Variants in HIVEP2 observed in about 807,000 individuals in gnomAD.
The protein encoded by HIVEP2 is transcription factor HIVEP2.
A neutral mutation model predicts 180.7 loss-of-function variants in HIVEP2; 14 were observed. That is an observed-to-expected ratio of 0.08 (90% confidence interval 0.05 to 0.12). The LOEUF (loss-of-function observed/expected upper bound fraction) is 0.12, where lower values mean the gene tolerates loss of function less well. Among genes scored for constraint, HIVEP2 ranks in the 10% least tolerant of loss-of-function variants. The pLI is 1.00. For synonymous variants in HIVEP2, 1,184 were observed against 1,136.4 expected (o/e 1.04, Z -0.84); for missense variants, 2,579 against 3,008.5 (o/e 0.86, Z 3.34).
chr6:142,857,850 C>CG (rs1562266995), intron 1 of HIVEP2, among the ~76,000 whole-genome samples: 3 of 151,916 alleles, frequency 2.0e-5, no homozygotes, highest in Non-Finnish European at 2.9e-5. Flanking sequence ...CTCCTGCGGG[C>CG]GGGGGGAAGC....
At chr6:142,754,839 A>T (rs1379310247) in intron 9 of HIVEP2, among the ~76,000 whole-genome samples, 2 of 152,210 alleles carry the variant, frequency 1.3e-5, no homozygotes, top group African/African-American at 4.8e-5. Flanking sequence ...CTAGTCCTGA[A>T]AATGGAGAAT....
chr6:142,822,566 TA>T (rs1368105377), intron 2 of HIVEP2, among the ~76,000 whole-genome samples: 1 of 152,224 alleles, frequency 6.6e-6, no homozygotes, highest in Non-Finnish European at 1.5e-5. Flanking sequence ...AAGGAAGTGC[TA>T]AACTTCAGTT....
chr6:142,789,001 A>C (rs1776073666), intron 2 of HIVEP2, among the ~76,000 whole-genome samples: 5 of 152,234 alleles, frequency 3.3e-5, no homozygotes, highest in Admixed American at 3.3e-4. Context: ...AGATGAAATA[A>C]AAATACAAGA....
chr6:142,807,740 C>G (rs1776588531), intron 2 of HIVEP2, among the ~76,000 whole-genome samples: 1 of 152,090 alleles, frequency 6.6e-6, no homozygotes, highest in South Asian at 2.1e-4. Flanking sequence ...GACTCTAGGA[C>G]AAGTCAAAGT....
intron 1 of HIVEP2, among the ~76,000 whole-genome samples, chr6:142,882,849 T>G (rs1776605895): frequency 6.6e-6 from 1 of 152,134 alleles, no homozygotes; most frequent in Non-Finnish European, 1.5e-5. Flanking sequence ...TTTTTGGTGT[T>G]AGCTTCACTC....
chr6:142,881,555 T>C (rs1191676769), intron 1 of HIVEP2, among the ~76,000 whole-genome samples: 1 of 152,184 alleles, frequency 6.6e-6, no homozygotes, highest in East Asian at 1.9e-4. Context: ...GTTAGAAGAA[T>C]GCCTTTAATA....
chr6:142,759,861 C>G lies in HIVEP2; in HGVS notation c.6427G>C (p.Ala2143Pro). The G allele has an allele frequency of 6.2e-7, 1 of 1,614,110 alleles. No homozygotes were observed. The highest frequency in any genetic ancestry group is 8.5e-7 in the Non-Finnish European group (1 of 1,179,990). ...TATAAAGCCCTTCTGGGAGATGGCGCTCTTATTGTGGTCATGTATCTTCTC... is the reference window on the plus strand; with the variant it reads ...TATAAAGCCCTTCTGGGAGATGGCGGTCTTATTGTGGTCATGTATCTTCTC... ...RERRYMTTIR[A>P]PSPRRALYHN... The change falls in exon 9 of 10, where the codon GCG (alanine) becomes CCG (proline). Residue 2143 changes from alanine to proline, a missense_variant. By Grantham distance (27) the Ala-to-Pro change is conservative (BLOSUM62 -1). Transcript: ENST00000367603.
intron 1 of HIVEP2, among the ~76,000 whole-genome samples, chr6:142,912,349 G>A (rs370993331): frequency 1.5e-4 from 23 of 152,124 alleles, no homozygotes; most frequent in African/African-American, 3.9e-4. Context: ...AACAGTGATC[G>A]AACTTTTGTC....
At position 142,753,211 on chromosome 6, in the gene HIVEP2, T is replaced by G; in HGVS notation, c.7237A>C (p.Ser2413Arg). 1 of 1,614,026 alleles carries G rather than the reference T, an allele frequency of 6.2e-7. No individual in the cohort carries two copies. Among genetic ancestry groups the G allele is most frequent in the South Asian group, 1.1e-5 (1 of 91,082 alleles). The change falls in exon 10 of 10, where the codon AGT becomes CGT. Residue 2413 changes from serine (S) to arginine (R), a missense_variant. Physicochemically the swap from Ser to Arg is moderately radical, Grantham distance 110. Around this residue, in one of 11 missense-constraint regions of HIVEP2, gnomAD observed 660 missense variants for 731.7 expected, o/e 0.90. Transcript: ENST00000367603. ...PLAHSTFYSK[S>R]CVDDKQLDFH... ...TCCAACTGCTTGTCATCCACACAACTCTTGCTGTAAAACGTGGAGTGAGCT... is the reference window on the plus strand; with the variant it reads ...TCCAACTGCTTGTCATCCACACAACGCTTGCTGTAAAACGTGGAGTGAGCT...
chr6:142,811,954 A>T (rs1776710488), intron 2 of HIVEP2, among the ~76,000 whole-genome samples: 1 of 152,238 alleles, frequency 6.6e-6, no homozygotes, highest in Non-Finnish European at 1.5e-5. Flanking sequence ...GCTGGGAGCC[A>T]CCTGGCAGGA....
chr6:142,811,792 A>G (rs1764950524), intron 2 of HIVEP2, among the ~76,000 whole-genome samples: 1 of 152,228 alleles, frequency 6.6e-6, no homozygotes, highest in Admixed American at 6.5e-5. Flanking sequence ...AATTCTTCAA[A>G]CTAACGGATA....
intron 2 of HIVEP2, among the ~76,000 whole-genome samples, chr6:142,798,869 C>T (rs1330743259): frequency 6.6e-6 from 1 of 152,074 alleles, no homozygotes; most frequent in Non-Finnish European, 1.5e-5. Flanking sequence ...ATAGCACATG[C>T]AAATCATTCA....
chr6:142,818,733 AAAAGAAAGAAAG>A (rs766314719), intron 2 of HIVEP2, among the ~76,000 whole-genome samples: 956 of 41,788 alleles, frequency 0.023, 18 homozygotes, highest in East Asian at 0.036. Flanking sequence ...AGAAAGAAAG[AAAAGAAAGAAAG>A]AAAGAAAGAA....
chr6:142,863,045 T>A (rs1776045740), intron 1 of HIVEP2, among the ~76,000 whole-genome samples: 1 of 141,972 alleles, frequency 7.0e-6, no homozygotes, highest in Non-Finnish European at 1.5e-5. Context: ...TATTACATAA[T>A]ATATTATATA....
Position 142,760,166 on chromosome 6 carries a change from G to A in HIVEP2, c.6122C>T (p.Pro2041Leu). The A allele has an allele frequency of 6.2e-7, 1 of 1,614,126 alleles. No individual in the cohort carries two copies. The highest frequency in any genetic ancestry group is 8.5e-7 in the Non-Finnish European group (1 of 1,180,006). The stretch of plus-strand genomic sequence containing the variant: ...TCCTGGAGAGGAATGGTGGCTTGAG[G>A]GTGAGAAGTCCCTGGGAGAGGAGCT... Reference protein sequence around the residue: ...EPSSSPRDFSPSSHHSSPGYD... With the variant: ...EPSSSPRDFSLSSHHSSPGYD... Residue 2041 changes from proline (P) to leucine (L), a missense_variant, in exon 9 of 10, where the codon CCC (proline) becomes CTC (leucine). Coordinates refer to ENST00000367603, the MANE Select transcript of HIVEP2 (RefSeq NM_006734.4).
intron 1 of HIVEP2, among the ~76,000 whole-genome samples, chr6:142,878,356 C>A (rs191511623): frequency 6.6e-6 from 1 of 152,264 alleles, no homozygotes; most frequent in East Asian, 1.9e-4. Flanking sequence ...ATTTTCCAAA[C>A]GATTCACAGC....
chr6:142,863,863 T>C (rs1776068705), intron 1 of HIVEP2, among the ~76,000 whole-genome samples: 1 of 152,144 alleles, frequency 6.6e-6, no homozygotes, highest in Admixed American at 6.5e-5. Context: ...CAAGGAATAT[T>C]TGTAGTCCAC....
chr6:142,771,312 A>G lies in HIVEP2; in HGVS notation c.3427T>C (p.Cys1143Arg). Residue 1143 changes from cysteine (C) to arginine (R), a missense_variant, in exon 5 of 10, where the codon TGT (cysteine) becomes CGT (arginine). Cys to Arg is a radical substitution (Grantham distance 180, BLOSUM62 -3). Around this residue, in one of 11 missense-constraint regions of HIVEP2, gnomAD observed 523 missense variants for 577.0 expected, o/e 0.91. Transcript: ENST00000367603. This position sits in a 1 kb window ranked among gnomAD's most constrained non-coding sequence, Gnocchi z 5.4. Reference protein sequence around the residue: ...EDPGKQVAGPCPPLSSGPLHL... With the variant: ...EDPGKQVAGPRPPLSSGPLHL... ...AGTGGCCCCGAGCTCAGCGGGGGAC[A>G]AGGACCCGCCACCTGCTTCCCTGGG... 6.2e-7 allele frequency: 1 copy of G among 1,613,380 alleles called. No homozygotes were observed. The highest frequency in any genetic ancestry group is 8.5e-7 in the Non-Finnish European group (1 of 1,180,016).
chr6:142,931,408 A>G (rs1777940015), intron 1 of HIVEP2, among the ~76,000 whole-genome samples: 1 of 152,098 alleles, frequency 6.6e-6, no homozygotes, highest in Non-Finnish European at 1.5e-5. Flanking sequence ...GAAAAGGTTA[A>G]TTTATACTAA....
Sources: allele counts gnomAD v4.1 joint callset (sites outside exome capture counted in the v4.1 genomes callset), GRCh38; gene constraint gnomAD v4.1.1; regional missense constraint gnomAD v4.1.1; non-coding constraint Gnocchi (gnomAD v3.1); transcripts MANE v1.5; gene names NCBI Gene and HGNC (gene_info 2026-07-23, HGNC 2026-07-21).